The following GSE1 variants were observed in gnomAD, a reference collection of about 807,000 sequenced individuals.
GSE1 encodes Gse1 coiled-coil protein, also known as genetic suppressor element 1.
Under a neutral mutation model 112.6 loss-of-function variants are expected in GSE1, and 32 were observed. The ratio of observed to expected loss-of-function variants is 0.28; its 90% CI spans 0.21 to 0.38. The LOEUF (loss-of-function observed/expected upper bound fraction) is 0.38. GSE1 is among the 10% of genes least tolerant of loss of function. GSE1 has a pLI of 1.00. For missense variants in GSE1, 2,348 were observed against 1,699.2 expected (o/e 1.38, Z -6.71); for synonymous variants, 1,115 against 735.6 (o/e 1.52, Z -8.35).
chr16:85,465,153 A>C (rs932513988), intron 2 of GSE1, among the ~76,000 whole-genome samples: 1 of 152,338 alleles, frequency 6.6e-6, no homozygotes, highest in East Asian at 1.9e-4. Context: ...TCCGATATCC[A>C]GGAGTGTGGG....
At chr16:85,632,254 A>T (rs1181171125) in intron 1 of GSE1, among the ~76,000 whole-genome samples, 1 of 152,174 alleles carries the variant, frequency 6.6e-6, no homozygotes, top group African/African-American at 2.4e-5. Context: ...TGCCATGGGC[A>T]TGGGGCTCTC....
At position 85,172,934 on chromosome 16, in the gene GSE1, C is replaced by T. The variant is rs77902954; in HGVS notation, c.2283+1127C>T. Among the ~76,000 whole-genome samples, 486 of 152,320 alleles carry T rather than the reference C, an allele frequency of 3.2e-3. 3 individuals are homozygous for T. The highest frequency in any genetic ancestry group is 3.7e-3 in the Non-Finnish European group (250 of 68,044). On this transcript the variant is annotated intron_variant, in intron 1 of 2. Coordinates refer to the GSE1 transcript ENST00000637419. ...CCCACCTCTCCCCCGATACGCGGCC[C>T]CTGTCTTCATGCTCTACTCAGATTT...
Position 85,480,133 on chromosome 16 carries a change from C to G in GSE1, c.2464+122490C>G, listed in dbSNP as rs2050625365. On this transcript the variant is annotated intron_variant, in intron 2 of 2. Transcript: ENST00000637419. ...TGTTCCCATTTACTAGATGATGAAA[C>G]TGAGGCACGGAGAGGTGAAGTAAGG... 2.0e-5 allele frequency among the ~76,000 whole-genome samples: 3 copies of G among 152,372 alleles called. No homozygotes were observed. In the South Asian group the frequency reaches 6.2e-4, roughly 32 times the overall value.
intron 1 of GSE1, among the ~76,000 whole-genome samples, chr16:85,259,212 G>A (rs946351002): frequency 4.6e-5 from 7 of 152,148 alleles, no homozygotes; most frequent in Admixed American, 1.3e-4. Flanking sequence ...AAGGAACCCC[G>A]GTTGCCTCCC....
At chr16:85,246,999 G>T (rs565995455) in intron 1 of GSE1, among the ~76,000 whole-genome samples, 124 of 152,162 alleles carry the variant, frequency 8.1e-4, no homozygotes, top group African/African-American at 2.7e-3. Flanking sequence ...GGGGGTGGGG[G>T]TCCCTAGAGG....
At chr16:85,421,313 G>A (rs1021405153) in intron 2 of GSE1, among the ~76,000 whole-genome samples, 2 of 152,026 alleles carry the variant, frequency 1.3e-5, no homozygotes, top group East Asian at 1.9e-4. Context: ...GGAGCCTAGG[G>A]CATCCTGCGG....
At chr16:85,646,898 G>A (rs115959007) in intron 2 of GSE1, among the ~76,000 whole-genome samples, 17 of 151,958 alleles carry the variant, frequency 1.1e-4, no homozygotes, top group African/African-American at 4.1e-4. Flanking sequence ...AACAAGGGGG[G>A]GGGTGGGGGC....
chr16:85,380,908 T>TTCAAA (rs1238076791), intron 2 of GSE1, among the ~76,000 whole-genome samples: 2 of 152,220 alleles, frequency 1.3e-5, no homozygotes, highest in Non-Finnish European at 2.9e-5. Flanking sequence ...TGAGCCCTGG[T>TTCAAA]AAAGTCTTTG....
intron 1 of GSE1, among the ~76,000 whole-genome samples, chr16:85,312,756 G>T (rs1220661928): frequency 2.6e-5 from 4 of 151,620 alleles, no homozygotes; most frequent in Admixed American, 6.6e-5. Context: ...AGGAGAAGGA[G>T]GGGGAGGAAG....
At chr16:85,393,726 T>C (rs1413084292) in intron 2 of GSE1, among the ~76,000 whole-genome samples, 1 of 152,128 alleles carries the variant, frequency 6.6e-6, no homozygotes, top group Non-Finnish European at 1.5e-5. Flanking sequence ...GGTTCAGGGT[T>C]CTGATCTTCT....
intron 1 of GSE1, among the ~76,000 whole-genome samples, chr16:85,280,936 C>T (rs1196207195): frequency 1.3e-5 from 2 of 152,182 alleles, no homozygotes; most frequent in Non-Finnish European, 2.9e-5. Context: ...GAACCAGGTC[C>T]TGGCGTTGCC....
At chr16:85,459,564 C>G (rs1240419137) in intron 2 of GSE1, among the ~76,000 whole-genome samples, 3 of 152,160 alleles carry the variant, frequency 2.0e-5, no homozygotes, top group African/African-American at 4.8e-5. Flanking sequence ...CCAGAGAGAC[C>G]AGGGCATCCA....
At chr16:85,424,572 C>A (rs936971084) in intron 2 of GSE1, among the ~76,000 whole-genome samples, 2 of 152,272 alleles carry the variant, frequency 1.3e-5, no homozygotes, top group Non-Finnish European at 2.9e-5. Flanking sequence ...CCTGCAGCCT[C>A]CGCCCTCTTC....
chr16:85,184,960 C>T (rs998518320), intron 1 of GSE1, among the ~76,000 whole-genome samples: 1 of 152,178 alleles, frequency 6.6e-6, no homozygotes, highest in African/African-American at 2.4e-5. Context: ...TAGCAGTGTT[C>T]AAATTGTCTA....
intron 2 of GSE1, among the ~76,000 whole-genome samples, chr16:85,638,802 A>C (rs1168157448): frequency 2.8e-5 from 4 of 140,762 alleles, no homozygotes; most frequent in Non-Finnish European, 4.6e-5. Context: ...GACCCCCATC[A>C]TCTGCCCTGG....
At chr16:85,568,195 G>T (rs1288036470) in intron 1 of GSE1, among the ~76,000 whole-genome samples, 2 of 152,328 alleles carry the variant, frequency 1.3e-5, no homozygotes, top group East Asian at 3.9e-4. Flanking sequence ...CCTTGAGGAA[G>T]GAAAGAGGTT....
At chr16:85,473,473 T>C (rs1255903142) in intron 2 of GSE1, among the ~76,000 whole-genome samples, 4 of 152,218 alleles carry the variant, frequency 2.6e-5, no homozygotes, top group East Asian at 3.9e-4. Context: ...AAGTGTGAAA[T>C]CTGGCAGGGC....
At chr16:85,470,551 T>C (rs964292216) in intron 2 of GSE1, among the ~76,000 whole-genome samples, 2 of 152,232 alleles carry the variant, frequency 1.3e-5, no homozygotes, top group African/African-American at 4.8e-5. Context: ...CTCATCTCCC[T>C]GGTAACCTTC....
intron 2 of GSE1, among the ~76,000 whole-genome samples, chr16:85,492,553 C>T (rs1432140239): frequency 6.6e-6 from 1 of 152,214 alleles, no homozygotes; most frequent in East Asian, 1.9e-4. Flanking sequence ...GAGGTACTTT[C>T]ATATCACCAC....
Sources: allele counts gnomAD v4.1 joint callset (sites outside exome capture counted in the v4.1 genomes callset), GRCh38; gene constraint gnomAD v4.1.1; transcripts MANE v1.5; gene names NCBI Gene and HGNC (gene_info 2026-07-23, HGNC 2026-07-21).